NR1D2: variants seen among roughly 807,000 people sequenced by gnomAD.
NR1D2 encodes V-erbA-related protein 1-related.
Under a neutral mutation model 52.2 loss-of-function variants are expected in NR1D2, and 25 were observed. The observed-to-expected ratio is 0.48, with a 90% CI of 0.35 to 0.67. NR1D2 has a LOEUF of 0.67. Ranked by LOEUF, NR1D2 falls within the 30% of genes least tolerant of loss-of-function variation. The pLI, the probability that NR1D2 is intolerant of heterozygous loss-of-function variation, is 0.01. For missense variants in NR1D2, 681 were observed against 707.2 expected (o/e 0.96, Z 0.42); for synonymous variants, 259 against 230.1 (o/e 1.13, Z -1.14).
chr3:23,958,353 A>G (rs1285207235), intron 3 of NR1D2, among the ~76,000 whole-genome samples: 1 of 152,216 alleles, frequency 6.6e-6, no homozygotes, highest in Admixed American at 6.5e-5. Flanking sequence ...CTTTTTAAGA[A>G]GTAGTCATTT....
intron 1 of NR1D2, among the ~76,000 whole-genome samples, chr3:23,947,612 G>A (rs1397582332): frequency 6.6e-6 from 1 of 152,160 alleles, no homozygotes; most frequent in Non-Finnish European, 1.5e-5. Flanking sequence ...CAGTAACCTT[G>A]CAGTCAACTA....
At chr3:23,959,579 G>T in intron 3 of NR1D2, 92 bp from the exon 4 acceptor site, 1 of 1,210,696 alleles carries the variant, frequency 8.3e-7, no homozygotes, top group Non-Finnish European at 1.2e-6. Flanking sequence ...ACTGTAGTTC[G>T]TCATATACAC....
At chr3:23,973,978 A>G (rs1706655388) in intron 7 of NR1D2, among the ~76,000 whole-genome samples, 1 of 151,964 alleles carries the variant, frequency 6.6e-6, no homozygotes, top group South Asian at 2.1e-4. Context: ...CTTCAGGAGC[A>G]GTAACATGCA....
intron 7 of NR1D2, among the ~76,000 whole-genome samples, chr3:23,969,299 A>G (rs935376088): frequency 2.0e-5 from 3 of 151,936 alleles, no homozygotes; most frequent in African/African-American, 7.3e-5. Flanking sequence ...AAAAACAAAA[A>G]CAAAAACAAC....
chr3:23,974,818 ATT>A (rs1355921800), intron 7 of NR1D2, among the ~76,000 whole-genome samples: 28 of 134,768 alleles, frequency 2.1e-4, no homozygotes, highest in Non-Finnish European at 1.8e-4. Flanking sequence ...CCAATATCCA[ATT>A]TTTTTTTTTT....
At chr3:23,964,755 CT>C (rs1277930844) in intron 5 of NR1D2, 56 of 395,542 alleles carry the variant, frequency 1.4e-4, no homozygotes, top group East Asian at 2.8e-4. Flanking sequence ...TTTGCTTAGG[CT>C]TTTTTTTAAT....
intron 5 of NR1D2, among the ~76,000 whole-genome samples, chr3:23,963,710 A>G (rs1706360074): frequency 6.6e-6 from 1 of 152,114 alleles, no homozygotes; most frequent in Middle Eastern, 3.4e-3. Flanking sequence ...CGGCCTCCCA[A>G]AGTGCTGGGA....
At chr3:23,969,472 TA>T (rs1706533552) in intron 7 of NR1D2, among the ~76,000 whole-genome samples, 1 of 152,222 alleles carries the variant, frequency 6.6e-6, no homozygotes, top group Non-Finnish European at 1.5e-5. Flanking sequence ...AATATGTCAA[TA>T]AGGGATATCT....
At chr3:23,947,592 T>C (rs147461341) in intron 1 of NR1D2, among the ~76,000 whole-genome samples, 1 of 152,356 alleles carries the variant, frequency 6.6e-6, no homozygotes, top group East Asian at 1.9e-4. Flanking sequence ...CATGTTGCTT[T>C]GCTGACTCAC....
chr3:23,977,252 G>T lies in NR1D2; in HGVS notation c.1573G>T (p.Val525Leu). The T allele has an allele frequency of 3.1e-6, 5 of 1,607,482 alleles. No homozygotes were observed. The highest frequency in any genetic ancestry group is 4.2e-6 in the Non-Finnish European group (5 of 1,177,384). ...DRSGIENVNS[V>L]EALQETLIRA... ...ATCTGGAATAGAAAACGTCAACTCT[G>T]TGGAGGCTTTGCAGGAAACTCTCAT... is the stretch of plus-strand genomic sequence containing the variant. Residue 525 changes from valine to leucine, a missense_variant, in exon 8 of 8, where the codon GTG (valine) becomes TTG (leucine). Val to Leu is a conservative substitution (Grantham distance 32). Coordinates refer to ENST00000312521, the MANE Select transcript of NR1D2 (RefSeq NM_005126.5).
chr3:23,958,642 TAAAAAAAAAAA>T (rs35959367), intron 3 of NR1D2, among the ~76,000 whole-genome samples: 1 of 98,100 alleles, frequency 1.0e-5, no homozygotes, highest in East Asian at 3.0e-4. Flanking sequence ...CCTGTCTCTT[TAAAAAAAAAAA>T]AAAAAAAAAA....
Position 23,977,226 on chromosome 3 carries a change from G to T in NR1D2, c.1547G>T (p.Arg516Leu). ...FTAVVLVSAD[R>L]SGIENVNSVE... ...CCCTATTCCTGATCTCTCTTAGATCGATCTGGAATAGAAAACGTCAACTCT... is the reference window on the plus strand; with the variant it reads ...CCCTATTCCTGATCTCTCTTAGATCTATCTGGAATAGAAAACGTCAACTCT... Residue 516 changes from arginine (R) to leucine (L), a missense_variant, in exon 8 of 8, where the codon CGA (arginine) becomes CTA (leucine). Arg to Leu is a moderately radical substitution (Grantham distance 102). This residue lies in a region of NR1D2 where 475 missense variants were observed against 454.5 expected (regional missense o/e 1.05). Transcript: ENST00000312521. 6.4e-7 allele frequency: 1 copy of T among 1,565,256 alleles called. No homozygotes were observed. Among genetic ancestry groups the T allele is most frequent in the South Asian group, 1.2e-5 (1 of 83,198 alleles).
In NR1D2 at chr3:23,957,454, C is replaced by T. The variant is rs542295305; in HGVS notation, c.372+1329C>T. On this transcript the variant is annotated intron_variant, in intron 3 of 7. Coordinates refer to ENST00000312521, the MANE Select transcript of NR1D2 (RefSeq NM_005126.5). ...GTAATAGGCCAGGTGCGGTGGCTCA[C>T]GCCTGTAATCCCAGCACTTTGGGAG... Among the ~76,000 whole-genome samples the T allele has an allele frequency of 8.8e-4, 118 of 133,998 alleles. 1 individual carries two copies. Among genetic ancestry groups the T allele is most frequent in the Middle Eastern group, 5.3e-3 (1 of 188 alleles). 87.9% of individuals were successfully genotyped at this position (133,998 alleles called of 152,430 possible). A position where few individuals can be genotyped will look rare whatever the true frequency, so the allele number is the denominator to read the frequency against.
At chr3:23,947,600 C>T (rs970968044) in intron 1 of NR1D2, among the ~76,000 whole-genome samples, 15 of 152,188 alleles carry the variant, frequency 9.9e-5, no homozygotes, top group Non-Finnish European at 1.5e-4. Context: ...TTTGCTGACT[C>T]ACAGTAACCT....
Position 23,965,022 on chromosome 3 carries a change from G to A in NR1D2, c.1192G>A (p.Gly398Arg). 1 of 1,613,754 alleles carries A rather than the reference G, an allele frequency of 6.2e-7. No homozygotes were observed. The highest frequency in any genetic ancestry group is 8.5e-7 in the Non-Finnish European group (1 of 1,179,770). ...TCCATATGTGGATCCTCATAAATCA[G>A]GACATGAAATCTGGGAAGAATTTTC... Reference protein sequence around the residue: ...KSPYVDPHKSGHEIWEEFSMS... With the variant: ...KSPYVDPHKSRHEIWEEFSMS... Residue 398 changes from glycine to arginine, a missense_variant, in exon 6 of 8, where the codon GGA becomes AGA. This residue lies in a region of NR1D2 where 475 missense variants were observed against 454.5 expected (regional missense o/e 1.05). Transcript: ENST00000312521.
chr3:23,976,731 TAGTA>T (rs1242144096), intron 7 of NR1D2, among the ~76,000 whole-genome samples: 2 of 152,122 alleles, frequency 1.3e-5, no homozygotes, highest in Non-Finnish European at 2.9e-5. Context: ...CATTAGAAGT[TAGTA>T]AGTCTAGGTC....
Position 23,954,803 on chromosome 3 carries a change from A to G in NR1D2, c.283A>G (p.Lys95Glu). ...GMTKSHSGVT[K>E]FSGMVLLCKV... ...GACAAAAAGTCATAGTGGTGTGACA[A>G]GTAAGTTACTTTGGTTTTCTAAAGA... The change falls in exon 2 of 8, where the codon AAA (lysine) becomes GAA (glutamate). Residue 95 changes from lysine to glutamate, a missense_variant and splice_region_variant. Physicochemically the swap from Lys to Glu is moderately conservative, Grantham distance 56. This residue lies in a region of NR1D2 where 112 missense variants were observed against 162.3 expected (regional missense o/e 0.69). Transcript: ENST00000312521. The G allele has an allele frequency of 6.2e-7, 1 of 1,609,934 alleles. No homozygotes were observed. Among genetic ancestry groups the G allele is most frequent in the South Asian group, 1.1e-5 (1 of 91,014 alleles).
At chr3:23,974,492 A>G (rs890575493) in intron 7 of NR1D2, among the ~76,000 whole-genome samples, 16 of 151,988 alleles carry the variant, frequency 1.1e-4, no homozygotes, top group South Asian at 6.2e-4. Flanking sequence ...GCACATGACT[A>G]TTTTCCTCTG....
chr3:23,949,079 G>T (rs1220299705), intron 1 of NR1D2, among the ~76,000 whole-genome samples: 1 of 152,028 alleles, frequency 6.6e-6, no homozygotes, highest in Non-Finnish European at 1.5e-5. Flanking sequence ...AAATAAGACC[G>T]ATTTGGCTGG....
Sources: allele counts gnomAD v4.1 joint callset (sites outside exome capture counted in the v4.1 genomes callset), GRCh38; gene constraint gnomAD v4.1.1; regional missense constraint gnomAD v4.1.1; transcripts MANE v1.5; gene names NCBI Gene and HGNC (gene_info 2026-07-23, HGNC 2026-07-21).